RARS2: variants seen among roughly 807,000 people sequenced by gnomAD.
The protein encoded by RARS2 is probable arginine--tRNA ligase, mitochondrial.
RARS2 carries 67 observed loss-of-function variants against 88.5 expected under a neutral mutation model. That is an observed-to-expected ratio of 0.76 (90% CI 0.62 to 0.93). The LOEUF (loss-of-function observed/expected upper bound fraction) is 0.93, where lower values mean the gene tolerates loss of function less well. Ranked by LOEUF, RARS2 falls within the 40% of genes least tolerant of loss-of-function variation. RARS2 has a pLI of 0.00. For missense variants in RARS2, 664 were observed against 684.2 expected (o/e 0.97, Z 0.33); for synonymous variants, 239 against 230.3 (o/e 1.04, Z -0.34).
chr6:87,545,804 C>G (rs982962414), intron 6 of RARS2, 105 bp from the exon 7 acceptor site: 1 of 1,309,528 alleles, frequency 7.6e-7, no homozygotes, highest in South Asian at 1.3e-5. Context: ...ATTCTTTTCA[C>G]TAAATTTACC....
At chr6:87,562,664 A>C in intron 4 of RARS2, 38 bp downstream of exon 4, 1 of 1,481,598 alleles carries the variant, frequency 6.7e-7, no homozygotes, top group Non-Finnish European at 9.4e-7. Flanking sequence ...AAGCAGACAG[A>C]ATGAAAGCAC....
intron 8 of RARS2, among the ~76,000 whole-genome samples, chr6:87,531,824 A>G (rs1478550258): frequency 2.6e-5 from 4 of 152,220 alleles, no homozygotes; most frequent in Admixed American, 6.5e-5. Context: ...TTCAAGTAGT[A>G]CTGAAGTTAT....
At chr6:87,556,770 C>T (rs191485866) in intron 4 of RARS2, among the ~76,000 whole-genome samples, 40 of 133,714 alleles carry the variant, frequency 3.0e-4, no homozygotes, top group Admixed American at 7.5e-4. Context: ...CCAGCCTGGG[C>T]GCAGAGTGAG....
At chr6:87,528,800 T>C (rs1328503115) in intron 10 of RARS2, among the ~76,000 whole-genome samples, 3 of 152,208 alleles carry the variant, frequency 2.0e-5, no homozygotes, top group African/African-American at 7.2e-5. Context: ...TGGAGATCTA[T>C]TGTACAGCAT....
At position 87,567,957 on chromosome 6, in the gene RARS2, G is replaced by C. The variant is rs1768429309; in HGVS notation, c.110+1560C>G. On this transcript the variant is annotated intron_variant, in intron 2 of 19. Transcript: ENST00000369536. ...TGGCTAATTTTTTGTATTTCTAGTA[G>C]AGACGGGGTTTCACCATGTTAGCCA... is the stretch of plus-strand genomic sequence containing the variant. Among the ~76,000 whole-genome samples, 3 of 152,214 alleles carry C rather than the reference G, an allele frequency of 2.0e-5. No individual in the cohort carries two copies. In the South Asian group the frequency reaches 6.2e-4, roughly 32 times the overall value.
chr6:87,562,564 C>T (rs942209017), intron 4 of RARS2, 138 bp downstream of exon 4: 3 of 693,678 alleles, frequency 4.3e-6, no homozygotes, highest in Non-Finnish European at 5.2e-6. Context: ...TGGGGTGGTA[C>T]TCTCCAAGTT....
intron 7 of RARS2, among the ~76,000 whole-genome samples, chr6:87,544,320 T>TA (rs1306314092): frequency 6.6e-6 from 1 of 152,248 alleles, no homozygotes; most frequent in Non-Finnish European, 1.5e-5. Flanking sequence ...TAGTGAACAG[T>TA]AATGGTTCTG....
chr6:87,565,692 A>G (rs1767658362), intron 2 of RARS2, among the ~76,000 whole-genome samples: 1 of 152,182 alleles, frequency 6.6e-6, no homozygotes, highest in Admixed American at 6.5e-5. Flanking sequence ...CAAGGTGCAA[A>G]AAAAATTTTT....
chr6:87,528,878 C>T (rs1042189528), intron 10 of RARS2, among the ~76,000 whole-genome samples: 1 of 152,100 alleles, frequency 6.6e-6, no homozygotes. Flanking sequence ...TTTAAATGTT[C>T]TCATCATAGG....
At chr6:87,567,116 G>A (rs1051778325) in intron 2 of RARS2, among the ~76,000 whole-genome samples, 1 of 152,162 alleles carries the variant, frequency 6.6e-6, no homozygotes, top group African/African-American at 2.4e-5. Flanking sequence ...GCTGGGCATG[G>A]TGGTGTGTGC....
intron 1 of RARS2, among the ~76,000 whole-genome samples, chr6:87,578,946 G>A (rs1351940953): frequency 9.7e-6 from 1 of 103,386 alleles, no homozygotes; most frequent in African/African-American, 4.0e-5. Flanking sequence ...GAGACAGAGC[G>A]AGAGACTGTC....
chr6:87,547,349 C>A (rs545295886), intron 6 of RARS2, among the ~76,000 whole-genome samples: 7 of 152,262 alleles, frequency 4.6e-5, no homozygotes, highest in African/African-American at 1.4e-4. Context: ...GCTGACCGCA[C>A]AACAATCTAT....
intron 10 of RARS2, among the ~76,000 whole-genome samples, chr6:87,526,515 T>TA (rs59113552): frequency 0.32 from 47,352 of 146,666 alleles, 7,519 homozygotes; most frequent in Admixed American, 0.41. Context: ...GACCCTGTCT[T>TA]AAAAAAAAAA....
intron 9 of RARS2, 123 bp downstream of exon 9, chr6:87,530,661 A>AAC (rs1777204504): frequency 7.5e-7 from 1 of 1,327,268 alleles, no homozygotes; most frequent in African/African-American, 1.5e-5. Flanking sequence ...TTTGAGTCTT[A>AAC]ATTTTAAATT....
chr6:87,546,185 C>T (rs1027296033), intron 6 of RARS2, among the ~76,000 whole-genome samples: 1 of 152,178 alleles, frequency 6.6e-6, no homozygotes, highest in Non-Finnish European at 1.5e-5. Context: ...AATCTAAGGC[C>T]TTCACTTTCC....
chr6:87,555,901 C>A (rs576060480), intron 4 of RARS2, among the ~76,000 whole-genome samples: 2 of 152,232 alleles, frequency 1.3e-5, no homozygotes, highest in Non-Finnish European at 2.9e-5. Context: ...AGCCACTGTT[C>A]CAAGCATTTT....
chr6:87,545,816 A>C, intron 6 of RARS2, 117 bp from the exon 7 acceptor site: 1 of 1,230,680 alleles, frequency 8.1e-7, no homozygotes, highest in Middle Eastern at 2.9e-4. Flanking sequence ...AAATTTACCA[A>C]CTCAATGTTT....
At chr6:87,553,290 G>A (rs62417686) in intron 5 of RARS2, among the ~76,000 whole-genome samples, 9,677 of 152,140 alleles carry the variant, frequency 0.064, 391 homozygotes, top group African/African-American at 0.12. Flanking sequence ...CTAGATGACC[G>A]CAGTTACATA....
chr6:87,530,658 C>T, intron 9 of RARS2, 126 bp downstream of exon 9: 4 of 1,305,846 alleles, frequency 3.1e-6, no homozygotes, highest in Non-Finnish European at 4.3e-6. Context: ...AAATTTGAGT[C>T]TTAATTTTAA....
Sources: allele counts gnomAD v4.1 joint callset (sites outside exome capture counted in the v4.1 genomes callset), GRCh38; gene constraint gnomAD v4.1.1; transcripts MANE v1.5; gene names NCBI Gene and HGNC (gene_info 2026-07-23, HGNC 2026-07-21).